PDE4D: variants seen among roughly 807,000 people sequenced by gnomAD.
The protein encoded by PDE4D is 3',5'-cyclic-AMP phosphodiesterase 4D.
Under a neutral mutation model 87.4 loss-of-function variants are expected in PDE4D, and 24 were observed. That is an observed-to-expected ratio of 0.27 (90% CI 0.20 to 0.39). The LOEUF (loss-of-function observed/expected upper bound fraction) is 0.39, where lower values mean the gene tolerates loss of function less well. Among genes scored for constraint, PDE4D ranks in the 10% least tolerant of loss-of-function variants. The pLI is 1.00. For missense variants in PDE4D, 714 were observed against 1,041.0 expected (o/e 0.69, Z 4.32); for synonymous variants, 384 against 383.2 (o/e 1.00, Z -0.02).
chr5:59,305,227 T>TCAGTTGTA (rs749507261), intron 1 of PDE4D, among the ~76,000 whole-genome samples: 5 of 152,156 alleles, frequency 3.3e-5, no homozygotes, highest in Non-Finnish European at 5.9e-5. Flanking sequence ...TTCAGTGGTG[T>TCAGTTGTA]CAGTTGTAAT....
At chr5:60,259,998 G>A (rs932943319) in intron 1 of PDE4D, among the ~76,000 whole-genome samples, 11 of 151,896 alleles carry the variant, frequency 7.2e-5, no homozygotes, top group East Asian at 3.9e-4. Context: ...TTCAGGAAAC[G>A]CCTCTTAAAG....
At chr5:59,230,562 T>C (rs1227850708) in intron 1 of PDE4D, among the ~76,000 whole-genome samples, 2 of 152,228 alleles carry the variant, frequency 1.3e-5, no homozygotes, top group Non-Finnish European at 1.5e-5. Context: ...GTGTTAAGTA[T>C]GTTAAATAAG....
intron 5 of PDE4D, among the ~76,000 whole-genome samples, chr5:59,066,985 G>GTGATTGAT (rs1187044685): frequency 5.5e-5 from 7 of 127,616 alleles, no homozygotes; most frequent in African/African-American, 1.8e-4. Flanking sequence ...CACCCAGCTC[G>GTGATTGAT]TGATTTATTT....
At chr5:59,897,191 T>C (rs1234888631), upstream of PDE4D, among the ~76,000 whole-genome samples, 2 of 152,214 alleles carry the variant, frequency 1.3e-5, no homozygotes. Context: ...TACCATGCAT[T>C]ATGTCATTAC....
intron 1 of PDE4D, among the ~76,000 whole-genome samples, chr5:59,575,855 C>T (rs1283197328): frequency 1.3e-5 from 2 of 152,106 alleles, no homozygotes; most frequent in Non-Finnish European, 1.5e-5. Flanking sequence ...TAGGCACTGA[C>T]TCAACATGGG....
intron 6 of PDE4D, among the ~76,000 whole-genome samples, chr5:59,036,463 G>A (rs1483371688): frequency 1.3e-5 from 2 of 152,186 alleles, no homozygotes; most frequent in African/African-American, 4.8e-5. Context: ...AAATAACTGA[G>A]TGGAGATGAT....
chr5:60,424,760 A>G (rs1743518890), intron 1 of PDE4D, among the ~76,000 whole-genome samples: 2 of 152,224 alleles, frequency 1.3e-5, no homozygotes, highest in African/African-American at 4.8e-5. Flanking sequence ...TTTGCAGATG[A>G]CATGATTGTA....
chr5:60,209,187 C>CTT (rs58524375), intron 1 of PDE4D, among the ~76,000 whole-genome samples: 31 of 108,470 alleles, frequency 2.9e-4, no homozygotes, highest in South Asian at 6.1e-4. Flanking sequence ...TTCTTTTTTT[C>CTT]TTTTTTTTTT....
intron 2 of PDE4D, among the ~76,000 whole-genome samples, chr5:60,018,154 C>G (rs935576824): frequency 6.6e-6 from 1 of 151,694 alleles, no homozygotes; most frequent in Non-Finnish European, 1.5e-5. Context: ...AGAAGAAACC[C>G]TACAAGCTAG....
chr5:59,998,836 T>C (rs989881412), intron 2 of PDE4D, among the ~76,000 whole-genome samples: 2 of 152,144 alleles, frequency 1.3e-5, no homozygotes, highest in African/African-American at 4.8e-5. Flanking sequence ...TATAAGAACT[T>C]AGTATGTGTC....
intron 1 of PDE4D, among the ~76,000 whole-genome samples, chr5:59,525,391 C>T (rs1812921032): frequency 6.6e-6 from 1 of 152,238 alleles, no homozygotes; most frequent in South Asian, 2.1e-4. Flanking sequence ...TGGACAATTT[C>T]TCCCATTTGG....
intron 1 of PDE4D, among the ~76,000 whole-genome samples, chr5:59,603,679 C>T (rs1396523955): frequency 6.6e-6 from 1 of 151,718 alleles, no homozygotes; most frequent in Admixed American, 6.6e-5. Context: ...TGATCTCATT[C>T]ATATGGGAAA....
intron 1 of PDE4D, among the ~76,000 whole-genome samples, chr5:59,870,621 T>G (rs1413126236): frequency 2.0e-5 from 3 of 152,206 alleles, no homozygotes; most frequent in African/African-American, 7.2e-5. Context: ...CTTATTGATA[T>G]AGTTTTCATT....
At chr5:59,229,550 G>A (rs373696268) in intron 1 of PDE4D, among the ~76,000 whole-genome samples, 1 of 152,014 alleles carries the variant, frequency 6.6e-6, no homozygotes, top group Non-Finnish European at 1.5e-5. Context: ...CAATTATAAG[G>A]GTCTGCTTTC....
At chr5:59,082,056 G>C (rs1766867393) in intron 5 of PDE4D, among the ~76,000 whole-genome samples, 1 of 152,044 alleles carries the variant, frequency 6.6e-6, no homozygotes, top group Non-Finnish European at 1.5e-5. Flanking sequence ...TAAGTTTCCT[G>C]AGGTCTCCCC....
intron 1 of PDE4D, among the ~76,000 whole-genome samples, chr5:59,394,534 C>G (rs186807123): frequency 6.6e-6 from 1 of 152,212 alleles, no homozygotes; most frequent in East Asian, 1.9e-4. Flanking sequence ...TATATATGCA[C>G]TAGGAAATGA....
intron 1 of PDE4D, among the ~76,000 whole-genome samples, chr5:59,310,450 G>A (rs1318235149): frequency 1.3e-5 from 2 of 152,092 alleles, no homozygotes; most frequent in African/African-American, 2.4e-5. Context: ...AGGTTTTCCA[G>A]TGGCTCTTGA....
chr5:60,458,813 C>T (rs1746693629), intron 1 of PDE4D, among the ~76,000 whole-genome samples: 1 of 151,958 alleles, frequency 6.6e-6, no homozygotes, highest in Admixed American at 6.6e-5. Context: ...AATATGCCAC[C>T]TCTGAAAACC....
At chr5:59,506,377 G>T (rs1809268674) in intron 1 of PDE4D, among the ~76,000 whole-genome samples, 1 of 150,872 alleles carries the variant, frequency 6.6e-6, no homozygotes. Context: ...CTTAGTCTTT[G>T]GCAAAAAAAA....
Sources: allele counts gnomAD v4.1 joint callset (sites outside exome capture counted in the v4.1 genomes callset), GRCh38; gene constraint gnomAD v4.1.1; transcripts MANE v1.5; gene names NCBI Gene and HGNC (gene_info 2026-07-23, HGNC 2026-07-21).